The following ATP2B2 variants were observed in gnomAD, a reference collection of about 807,000 sequenced individuals.
ATP2B2 encodes ATPase plasma membrane Ca2+ transporting 2.
ATP2B2 carries 15 observed loss-of-function variants against 120.0 expected under a neutral mutation model. The observed-to-expected ratio is 0.12, with a 90% CI of 0.08 to 0.19. ATP2B2 has a LOEUF of 0.19. ATP2B2 is among the 10% of genes least tolerant of loss of function. The pLI, the probability that ATP2B2 is intolerant of heterozygous loss-of-function variation, is 1.00. For missense variants in ATP2B2, 1,045 were observed against 1,719.8 expected (o/e 0.61, Z 6.94); for synonymous variants, 694 against 700.3 (o/e 0.99, Z 0.14).
chr3:10,700,182 T>G (rs1343605778), intron 1 of ATP2B2, among the ~76,000 whole-genome samples: 1 of 152,022 alleles, frequency 6.6e-6, no homozygotes, highest in East Asian at 1.9e-4. Flanking sequence ...GCTTGGAAAC[T>G]TTCTAGTGTG....
intron 2 of ATP2B2, among the ~76,000 whole-genome samples, chr3:10,618,349 G>A (rs115960835): frequency 0.018 from 2,676 of 152,226 alleles, 73 homozygotes; most frequent in African/African-American, 0.061. Context: ...GCACATGGTA[G>A]GGCACGGCAA....
In ATP2B2 at chr3:10,578,274, A is replaced by T. The variant is rs535667601; in HGVS notation, c.-415+41643T>A. Among the ~76,000 whole-genome samples the T allele has an allele frequency of 2.6e-5, 4 of 152,246 alleles. No homozygotes were observed. In the East Asian group the frequency reaches 7.7e-4, roughly 29 times the overall value. On this transcript the variant is annotated intron_variant, in intron 2 of 21. Transcript: ENST00000646379. ...TTTTGGTAGTTTCAAGTAAAGCAAA[A>T]CCTACACCTACCCTATGGCCCAGCA...
chr3:10,513,874 C>T (rs2066824959), intron 3 of ATP2B2, among the ~76,000 whole-genome samples: 1 of 151,980 alleles, frequency 6.6e-6, no homozygotes, highest in South Asian at 2.1e-4. Flanking sequence ...TAATGGTAGC[C>T]CTGCTTGATA....
At chr3:10,532,978 A>T (rs1409377595) in intron 3 of ATP2B2, among the ~76,000 whole-genome samples, 2 of 152,214 alleles carry the variant, frequency 1.3e-5, no homozygotes, top group African/African-American at 2.4e-5. Context: ...GGAAGGTCAG[A>T]TGAGATGGCA....
At chr3:10,614,223 G>A (rs1328582117) in intron 2 of ATP2B2, among the ~76,000 whole-genome samples, 1 of 152,096 alleles carries the variant, frequency 6.6e-6, no homozygotes, top group Non-Finnish European at 1.5e-5. Context: ...TTTGTTCACT[G>A]CCGTATTCCT....
intron 2 of ATP2B2, among the ~76,000 whole-genome samples, chr3:10,565,906 C>T (rs751629000): frequency 6.6e-5 from 10 of 152,180 alleles, no homozygotes; most frequent in Non-Finnish European, 1.5e-4. Context: ...TGCTTTCCCT[C>T]ACTTCATCCA....
chr3:10,376,118 G>C (rs1159837761), intron 10 of ATP2B2, among the ~76,000 whole-genome samples: 3 of 152,164 alleles, frequency 2.0e-5, no homozygotes, highest in Admixed American at 2.0e-4. Context: ...TTAGTTCCTA[G>C]TTTGGGAACT....
intron 1 of ATP2B2, among the ~76,000 whole-genome samples, chr3:10,462,407 C>A (rs2064530874): frequency 6.6e-6 from 1 of 152,202 alleles, no homozygotes; most frequent in Non-Finnish European, 1.5e-5. Flanking sequence ...AGGCTCCCAA[C>A]TCTGGTTTAG....
At chr3:10,456,226 C>G (rs1332487181) in intron 1 of ATP2B2, among the ~76,000 whole-genome samples, 5 of 152,258 alleles carry the variant, frequency 3.3e-5, no homozygotes, top group African/African-American at 1.2e-4. Flanking sequence ...GTAGCTGGGA[C>G]AGTCGTACAT....
At chr3:10,349,188 C>G (rs1352059846) in intron 16 of ATP2B2, among the ~76,000 whole-genome samples, 1 of 152,222 alleles carries the variant, frequency 6.6e-6, no homozygotes, top group Non-Finnish European at 1.5e-5. Flanking sequence ...CACAGTGGCT[C>G]CTACCTGTAA....
intron 11 of ATP2B2, among the ~76,000 whole-genome samples, chr3:10,374,091 AGGTAGCG>A (rs2061316942): frequency 6.6e-6 from 1 of 152,220 alleles, no homozygotes; most frequent in Non-Finnish European, 1.5e-5. Context: ...AGATGAGCGA[AGGTAGCG>A]GGTGCCAGAG....
intron 22 of ATP2B2, among the ~76,000 whole-genome samples, chr3:10,335,234 C>G (rs1373585763): frequency 6.6e-6 from 1 of 152,162 alleles, no homozygotes; most frequent in Non-Finnish European, 1.5e-5. Flanking sequence ...GGCACCCAGG[C>G]AAGATGTGAG....
At chr3:10,579,089 G>A (rs2068322845) in intron 2 of ATP2B2, among the ~76,000 whole-genome samples, 4 of 152,216 alleles carry the variant, frequency 2.6e-5, no homozygotes, top group Admixed American at 2.6e-4. Flanking sequence ...ATTAAGCCAT[G>A]TGGGAGGGAT....
intron 22 of ATP2B2, among the ~76,000 whole-genome samples, chr3:10,337,409 C>T (rs1180645531): frequency 1.3e-5 from 2 of 152,168 alleles, no homozygotes; most frequent in Non-Finnish European, 2.9e-5. Context: ...AGAGTCCCTT[C>T]TGACCCTCCC....
chr3:10,364,715 A>G (rs78802467), intron 12 of ATP2B2, among the ~76,000 whole-genome samples: 4 of 151,910 alleles, frequency 2.6e-5, no homozygotes, highest in Non-Finnish European at 4.4e-5. Context: ...CATCTTGGGG[A>G]AAAAAAATAA....
intron 5 of ATP2B2, among the ~76,000 whole-genome samples, chr3:10,397,821 A>T (rs1412042590): frequency 6.6e-6 from 1 of 152,180 alleles, no homozygotes; most frequent in Non-Finnish European, 1.5e-5. Flanking sequence ...GCTCATAGAC[A>T]GTCGGTGACG....
intron 1 of ATP2B2, among the ~76,000 whole-genome samples, chr3:10,655,544 T>C (rs1364485226): frequency 6.7e-6 from 1 of 148,154 alleles, no homozygotes; most frequent in Non-Finnish European, 1.5e-5. Context: ...AGCAGCATCA[T>C]CATTGCCTGG....
chr3:10,630,796 C>T (rs532665429), intron 1 of ATP2B2, among the ~76,000 whole-genome samples: 1 of 130,744 alleles, frequency 7.6e-6, no homozygotes, highest in Non-Finnish European at 1.6e-5. Flanking sequence ...GTAGGTAGTG[C>T]TATTAGCCCA....
chr3:10,435,226 C>T (rs1043896607), intron 2 of ATP2B2, among the ~76,000 whole-genome samples: 6 of 152,174 alleles, frequency 3.9e-5, no homozygotes, highest in East Asian at 1.9e-4. Context: ...GGACCATTAC[C>T]GGAGCATGGG....
Sources: gnomAD v4.1 joint callset for allele counts (sites outside exome capture counted in the v4.1 genomes callset) on GRCh38, gnomAD v4.1.1 for gene constraint, MANE v1.5 for transcripts, NCBI Gene and HGNC (gene_info 2026-07-23, HGNC 2026-07-21) for gene names.